Variants in ANKS6 observed in about 807,000 individuals in gnomAD.
ANKS6 encodes the protein ankyrin repeat and sterile alpha motif domain containing 6.
A neutral mutation model predicts 77.9 loss-of-function variants in ANKS6; 47 were observed. The ratio of observed to expected loss-of-function variants is 0.60; its 90% CI spans 0.48 to 0.77. ANKS6 has a LOEUF of 0.77. Ranked by LOEUF, ANKS6 falls within the 30% of genes least tolerant of loss-of-function variation. The probability of loss-of-function intolerance (pLI) is 0.00; values close to 1 mark genes in which losing one functional copy is unlikely to be tolerated. For synonymous variants in ANKS6, 488 were observed against 501.7 expected (o/e 0.97, Z 0.37); for missense variants, 1,150 against 1,159.1 (o/e 0.99, Z 0.11).
intron 11 of ANKS6, among the ~76,000 whole-genome samples, chr9:98,764,162 A>T (rs183748106): frequency 6.6e-6 from 1 of 152,306 alleles, no homozygotes; most frequent in East Asian, 1.9e-4. Context: ...TACTTTAAAG[A>T]TGTCACAACA....
chr9:98,789,407 G>A (rs899995042), intron 2 of ANKS6, among the ~76,000 whole-genome samples: 7 of 137,770 alleles, frequency 5.1e-5, no homozygotes, highest in Non-Finnish European at 7.6e-5. Flanking sequence ...CTCTTTACAT[G>A]CCAGAGAGAT....
At chr9:98,738,568 C>CAAAAAA (rs1342888637) in intron 14 of ANKS6, among the ~76,000 whole-genome samples, 2 of 116,002 alleles carry the variant, frequency 1.7e-5, no homozygotes, top group African/African-American at 3.3e-5. Context: ...ATGGCCATAA[C>CAAAAAA]AAAAAAATAA....
intron 14 of ANKS6, among the ~76,000 whole-genome samples, chr9:98,737,120 C>G (rs573747984): frequency 2.4e-4 from 36 of 152,296 alleles, no homozygotes; most frequent in African/African-American, 8.2e-4. Context: ...ACAACGCCCC[C>G]TGCCCCCTAT....
chr9:98,766,263 A>G (rs1263842921), intron 11 of ANKS6, among the ~76,000 whole-genome samples: 1 of 152,266 alleles, frequency 6.6e-6, no homozygotes, highest in African/African-American at 2.4e-5. Context: ...TATGATCAAT[A>G]CATCAAAATA....
At chr9:98,739,053 TG>T (rs768807490) in intron 14 of ANKS6, among the ~76,000 whole-genome samples, 1 of 148,406 alleles carries the variant, frequency 6.7e-6, no homozygotes, top group East Asian at 2.0e-4. Context: ...CACTTGTAAG[TG>T]GGAGCTAAGC....
chr9:98,749,951 C>A (rs763101606), intron 13 of ANKS6, among the ~76,000 whole-genome samples: 5 of 152,210 alleles, frequency 3.3e-5, no homozygotes, highest in African/African-American at 1.2e-4. Context: ...ACCCTGGAGG[C>A]TGGTGGGCCT....
intron 11 of ANKS6, 86 bp from the exon 12 acceptor site, chr9:98,756,689 G>A: frequency 1.7e-6 from 2 of 1,164,100 alleles, no homozygotes; most frequent in Non-Finnish European, 2.3e-6. Context: ...AGGGAACATG[G>A]GTGGTATTTG....
intron 11 of ANKS6, among the ~76,000 whole-genome samples, chr9:98,757,500 G>C (rs1832778986): frequency 6.6e-6 from 1 of 152,248 alleles, no homozygotes; most frequent in Non-Finnish European, 1.5e-5. Flanking sequence ...AGGGGGCAAT[G>C]AAGTGATATG....
intron 11 of ANKS6, among the ~76,000 whole-genome samples, chr9:98,757,716 C>T (rs1425207840): frequency 1.3e-5 from 2 of 152,082 alleles, no homozygotes; most frequent in Non-Finnish European, 2.9e-5. Context: ...ATCACAAGGT[C>T]AAGAGTTCAA....
At chr9:98,755,856 G>A (rs1189900753) in intron 12 of ANKS6, among the ~76,000 whole-genome samples, 1 of 152,114 alleles carries the variant, frequency 6.6e-6, no homozygotes, top group Non-Finnish European at 1.5e-5. Context: ...GATTTTGCTG[G>A]ACCTACTGAG....
rs991931673 is a variant in ANKS6 at position 98,735,619 on chromosome 9, T to C, written c.*900A>G. On this transcript the variant is annotated 3_prime_UTR_variant, in exon 15 of 15. Coordinates refer to ENST00000353234, the MANE Select transcript of ANKS6 (RefSeq NM_173551.5). ...ATTAGCCTTCTGCTTCCACTTTCAG[T>C]GCAGAAAGCCCTGCAGTGATACAGG... 1 of 1,231,558 alleles carries C rather than the reference T, an allele frequency of 8.1e-7. No homozygotes were observed. Among genetic ancestry groups the C allele is most frequent in the Non-Finnish European group, 1.0e-6 (1 of 987,954 alleles). The allele number at this position is 1,231,558 out of a possible 1,614,324, so 76.3% of individuals were successfully genotyped here.
chr9:98,784,999 G>A (rs1834488165), intron 2 of ANKS6, 123 bp from the exon 3 acceptor site: 1 of 824,342 alleles, frequency 1.2e-6, no homozygotes, highest in East Asian at 2.5e-5. Flanking sequence ...AATCTAATTG[G>A]AGACCTACGT....
Position 98,774,062 on chromosome 9 carries a change from G to A in ANKS6, c.1636C>T (p.Leu546Phe), listed in dbSNP as rs1367705495. 2.6e-6 allele frequency: 4 copies of A among 1,510,452 alleles called. No individual in the cohort carries two copies. Among genetic ancestry groups the A allele is most frequent in the East Asian group, 2.5e-5 (1 of 39,734 alleles). The allele number at this position is 1,510,452 out of a possible 1,614,324, so 93.6% of individuals were successfully genotyped here. A position where few individuals can be genotyped will look rare whatever the true frequency, so the allele number is the denominator to read the frequency against. The change falls in exon 9 of 15, where the codon CTC becomes TTC. Residue 546 changes from leucine (L) to phenylalanine (F), a missense_variant. Coordinates refer to ENST00000353234, the MANE Select transcript of ANKS6 (RefSeq NM_173551.5). ...AGCTTGTCACTCGGGAGTCTGGTGA[G>A]GGGAGCTCCGTTTCGAAGCTGAAAA... is the stretch of plus-strand genomic sequence containing the variant. ...LTTMLRNGAP[L>F]TRLPSDKLKA...
rs996703226 is a variant in ANKS6 at position 98,733,096 on chromosome 9, T to C, written c.*3423A>G. On this transcript the variant is annotated 3_prime_UTR_variant, in exon 15 of 15. Transcript: ENST00000353234. ...ACCGACATGATTGTCTCCTCTAAGA[T>C]ACTGTGGGGTTCCCTTGAGGGCAGA... 5.0e-5 allele frequency: 42 copies of C among 843,706 alleles called. No homozygotes were observed. The highest frequency in any genetic ancestry group is 5.9e-5 in the Non-Finnish European group (41 of 700,160). 52.3% of individuals were successfully genotyped at this position (843,706 alleles called of 1,614,324 possible).
chr9:98,757,924 T>G (rs1366582777), intron 11 of ANKS6, among the ~76,000 whole-genome samples: 1 of 147,828 alleles, frequency 6.8e-6, no homozygotes, highest in East Asian at 2.0e-4. Flanking sequence ...CGAGACTCTG[T>G]CTCAAAATAA....
At chr9:98,764,773 T>C (rs1334051473) in intron 11 of ANKS6, among the ~76,000 whole-genome samples, 1 of 152,242 alleles carries the variant, frequency 6.6e-6, no homozygotes, top group Non-Finnish European at 1.5e-5. Flanking sequence ...ATCTTGCATG[T>C]TGTTTATACC....
At chr9:98,775,169 CA>C (rs1833860871) in intron 8 of ANKS6, among the ~76,000 whole-genome samples, 1 of 152,250 alleles carries the variant, frequency 6.6e-6, no homozygotes, top group African/African-American at 2.4e-5. Context: ...TCCACCACCA[CA>C]AAAGGGTATT....
At position 98,781,325 on chromosome 9, in the gene ANKS6, G is replaced by C. The variant is rs922498529; in HGVS notation, c.1220-988C>G. Among the ~76,000 whole-genome samples, 19 of 152,318 alleles carry C rather than the reference G, an allele frequency of 1.2e-4. No individual in the cohort carries two copies. In the South Asian group the frequency reaches 1.5e-3, roughly 12 times the overall value. ...AGGAATAGACTGTTTTATTGGGAAA[G>C]GGAATAAACGGCAGTGGAGGCTAGG... On this transcript the variant is annotated intron_variant, in intron 5 of 14. Transcript: ENST00000353234.
intron 14 of ANKS6, among the ~76,000 whole-genome samples, chr9:98,739,615 C>T (rs1274811750): frequency 1.3e-5 from 2 of 152,076 alleles, no homozygotes; most frequent in African/African-American, 2.4e-5. Flanking sequence ...ATTGCAGCAC[C>T]ATTTATACAA....
Sources: allele counts gnomAD v4.1 joint callset (sites outside exome capture counted in the v4.1 genomes callset), GRCh38; gene constraint gnomAD v4.1.1; transcripts MANE v1.5; gene names NCBI Gene and HGNC (gene_info 2026-07-23, HGNC 2026-07-21).